Variants in TASP1 observed in about 807,000 individuals in gnomAD.
The protein encoded by TASP1 is taspase 1, also known as threonine aspartase 1.
Under a neutral mutation model 56.6 loss-of-function variants are expected in TASP1, and 16 were observed. The observed-to-expected ratio is 0.28, with a 90% confidence interval of 0.19 to 0.43. The LOEUF (loss-of-function observed/expected upper bound fraction) is 0.43. Ranked by LOEUF, TASP1 falls within the 20% of genes least tolerant of loss-of-function variation. The probability of loss-of-function intolerance (pLI) is 1.00; values close to 1 mark genes in which losing one functional copy is unlikely to be tolerated. For synonymous variants in TASP1, 179 were observed against 184.2 expected, an observed-to-expected ratio of 0.97 and a Z score of 0.23; for missense variants, 393 against 511.6, an observed-to-expected ratio of 0.77 and a Z score of 2.24.
At chr20:13,583,244 G>C (rs1374296648) in intron 5 of TASP1, among the ~76,000 whole-genome samples, 1 of 152,140 alleles carries the variant, frequency 6.6e-6, no homozygotes, top group Non-Finnish European at 1.5e-5. Context: ...CTTGACCTCT[G>C]TGTGCCCACC....
chr20:13,171,882 T>G, the TASP1 span, among the ~76,000 whole-genome samples: 2 of 152,070 alleles, frequency 1.3e-5, no homozygotes, highest in East Asian at 3.8e-4. Context: ...TCTTTGTAGG[T>G]CAACCTGATT....
intron 12 of TASP1, among the ~76,000 whole-genome samples, chr20:13,418,054 A>G (rs2146072044): frequency 6.6e-6 from 1 of 152,288 alleles, no homozygotes; most frequent in South Asian, 2.1e-4. Context: ...CTGGGATGAC[A>G]GGCATGCACC....
the TASP1 span, among the ~76,000 whole-genome samples, chr20:13,212,055 A>T: frequency 6.6e-6 from 1 of 152,140 alleles, no homozygotes; most frequent in Non-Finnish European, 1.5e-5. Flanking sequence ...AGATAATTCT[A>T]TGTGGAAACA....
chr20:13,123,106 G>A, the TASP1 span, among the ~76,000 whole-genome samples: 10 of 152,228 alleles, frequency 6.6e-5, no homozygotes, highest in South Asian at 2.1e-4. Context: ...CAAGGCCGGC[G>A]GATTACCAGA....
chr20:13,550,147 T>TACACACACACACACAC (rs149572327), intron 8 of TASP1, among the ~76,000 whole-genome samples: 11 of 135,288 alleles, frequency 8.1e-5, no homozygotes, highest in South Asian at 5.0e-4. Flanking sequence ...TATATACACA[T>TACACACACACACACAC]ACACACACAC....
intron 10 of TASP1, among the ~76,000 whole-genome samples, chr20:13,485,895 C>A (rs1401126564): frequency 6.6e-6 from 1 of 152,074 alleles, no homozygotes; most frequent in Non-Finnish European, 1.5e-5. Context: ...TATACACATG[C>A]CTGAAGTCAA....
the TASP1 span, among the ~76,000 whole-genome samples, chr20:13,146,057 A>C: frequency 7.9e-5 from 12 of 152,252 alleles, no homozygotes; most frequent in African/African-American, 2.9e-4. Context: ...TGAATAAAGA[A>C]AATTTGGTAC....
At chr20:13,450,138 C>G (rs139955000) in intron 11 of TASP1, among the ~76,000 whole-genome samples, 2 of 152,010 alleles carry the variant, frequency 1.3e-5, no homozygotes, top group Non-Finnish European at 2.9e-5. Flanking sequence ...TATAGCAGTG[C>G]TATGTCTAAA....
the TASP1 span, among the ~76,000 whole-genome samples, chr20:13,358,187 C>T: frequency 6.6e-6 from 1 of 152,212 alleles, no homozygotes; most frequent in Non-Finnish European, 1.5e-5. Context: ...CCTTTACCTA[C>T]CCAAATCCTA....
At chr20:13,398,048 T>C (rs1219206415) in intron 13 of TASP1, among the ~76,000 whole-genome samples, 2 of 152,156 alleles carry the variant, frequency 1.3e-5, no homozygotes, top group African/African-American at 4.8e-5. Context: ...ATAACATGAA[T>C]CTTACTATAG....
chr20:13,619,259 T>G (rs946782312), intron 4 of TASP1, among the ~76,000 whole-genome samples: 2 of 152,176 alleles, frequency 1.3e-5, no homozygotes, highest in South Asian at 2.1e-4. Flanking sequence ...TCAGAATGAA[T>G]TAACCAAACT....
At chr20:13,530,398 A>T (rs1450494222) in intron 9 of TASP1, among the ~76,000 whole-genome samples, 1 of 152,232 alleles carries the variant, frequency 6.6e-6, no homozygotes, top group Admixed American at 6.5e-5. Context: ...AAAGCCCTTC[A>T]GAAGTGATTT....
the TASP1 span, among the ~76,000 whole-genome samples, chr20:13,230,678 G>A: frequency 3.3e-5 from 5 of 152,010 alleles, no homozygotes; most frequent in African/African-American, 1.2e-4. Context: ...GAGATGGGAT[G>A]GGGGTGTCGG....
At chr20:13,225,064 A>G in the TASP1 span, among the ~76,000 whole-genome samples, 11 of 150,080 alleles carry the variant, frequency 7.3e-5, no homozygotes, top group Admixed American at 2.7e-4. Flanking sequence ...CGTGTTAGCC[A>G]GGATGGTCTC....
chr20:13,172,474 G>C, the TASP1 span, among the ~76,000 whole-genome samples: 61 of 151,920 alleles, frequency 4.0e-4, no homozygotes, highest in Non-Finnish European at 6.6e-4. Context: ...GGATAAAAAG[G>C]GGTTCTCTTT....
chr20:13,418,938 A>G (rs2042349748), intron 12 of TASP1, among the ~76,000 whole-genome samples: 1 of 152,232 alleles, frequency 6.6e-6, no homozygotes, highest in Admixed American at 6.5e-5. Flanking sequence ...CAGAAAACAC[A>G]AAGTTGAGAA....
At chr20:13,411,086 G>A (rs143693243) in intron 13 of TASP1, among the ~76,000 whole-genome samples, 375 of 152,186 alleles carry the variant, frequency 2.5e-3, no homozygotes, top group Admixed American at 4.4e-3. Context: ...TGAAGAGGGC[G>A]TCCCTTCCCC....
chr20:13,487,275 C>A (rs921448104), intron 10 of TASP1, among the ~76,000 whole-genome samples: 2 of 152,092 alleles, frequency 1.3e-5, no homozygotes, highest in East Asian at 1.9e-4. Flanking sequence ...GTAGGCCCAG[C>A]GTACACAGCA....
At chr20:13,343,608 T>A in the TASP1 span, among the ~76,000 whole-genome samples, 1 of 111,174 alleles carries the variant, frequency 9.0e-6, no homozygotes, top group Admixed American at 1.1e-4. Flanking sequence ...CCACTGTGGT[T>A]CCTGCTTTCC....
Sources: gnomAD v4.1 joint callset for allele counts (sites outside exome capture counted in the v4.1 genomes callset) on GRCh38, gnomAD v4.1.1 for gene constraint, MANE v1.5 for transcripts, NCBI Gene and HGNC (gene_info 2026-07-23, HGNC 2026-07-21) for gene names.